RGS7: variants seen among roughly 807,000 people sequenced by gnomAD.
RGS7 encodes the protein regulator of G-protein signaling 7.
Under a neutral mutation model 81.1 loss-of-function variants are expected in RGS7, and 27 were observed. The ratio of observed to expected loss-of-function variants is 0.33; its 90% CI spans 0.25 to 0.46. RGS7 has a LOEUF of 0.46. Ranked by LOEUF, RGS7 falls within the 20% of genes least tolerant of loss-of-function variation. The probability of loss-of-function intolerance (pLI) is 1.00; values close to 1 mark genes in which losing one functional copy is unlikely to be tolerated. For missense variants in RGS7, 396 were observed against 607.4 expected (o/e 0.65, Z 3.66); for synonymous variants, 208 against 207.7 (o/e 1.00, Z -0.01).
chr1:241,182,102 A>T (rs942796434), intron 2 of RGS7, among the ~76,000 whole-genome samples: 5 of 152,132 alleles, frequency 3.3e-5, no homozygotes, highest in African/African-American at 9.7e-5. Flanking sequence ...CTGGGTTGGA[A>T]TTCTTGCTCT....
At chr1:241,089,633 A>T (rs1558701810) in intron 3 of RGS7, among the ~76,000 whole-genome samples, 1 of 152,038 alleles carries the variant, frequency 6.6e-6, no homozygotes. Flanking sequence ...TAATAACTAA[A>T]CTTCCACCCT....
chr1:240,898,528 AT>A, intron 6 of RGS7, among the ~76,000 whole-genome samples: 1 of 152,024 alleles, frequency 6.6e-6, no homozygotes, highest in African/African-American at 2.4e-5. Context: ...TTCTGCCTTC[AT>A]TTTGTTATGT....
chr1:240,999,987 C>T (rs2148624582), intron 3 of RGS7, among the ~76,000 whole-genome samples: 1 of 152,232 alleles, frequency 6.6e-6, no homozygotes, highest in Non-Finnish European at 1.5e-5. Context: ...TTGATGACAC[C>T]ACTCCTCCGG....
intron 2 of RGS7, among the ~76,000 whole-genome samples, chr1:241,161,863 G>A (rs563119760): frequency 6.1e-4 from 93 of 151,844 alleles, no homozygotes; most frequent in Non-Finnish European, 1.1e-3. Context: ...GATTACAGGC[G>A]CCTGCTACCA....
chr1:241,355,246 A>G (rs898304823), intron 2 of RGS7, among the ~76,000 whole-genome samples: 12 of 152,254 alleles, frequency 7.9e-5, no homozygotes, highest in African/African-American at 2.9e-4. Flanking sequence ...AGTAAACCAC[A>G]TACATTTACA....
At chr1:240,943,252 T>A (rs760662215) in intron 4 of RGS7, among the ~76,000 whole-genome samples, 11 of 152,200 alleles carry the variant, frequency 7.2e-5, no homozygotes, top group African/African-American at 1.7e-4. Flanking sequence ...GTCCCCTGCC[T>A]AGGTTCACAT....
Position 241,355,753 on chromosome 1 carries a change from C to G in RGS7, c.24G>C (p.Gly8=). Residue 8 remains glycine (G), a synonymous_variant, in exon 2 of 19, where the codon GGG becomes GGC. Transcript: ENST00000440928. MAQGNNY[G]QTSNGVADES... Reference sequence around the variant, plus strand: ...CATCGGCCACCCCGTTGCTGGTCTGCCCATAATTATTCCCCTGGGCCATGT... The same window carrying G: ...CATCGGCCACCCCGTTGCTGGTCTGGCCATAATTATTCCCCTGGGCCATGT... 1 of 1,614,122 alleles carries G rather than the reference C, an allele frequency of 6.2e-7. No homozygotes were observed. The highest frequency in any genetic ancestry group is 1.1e-5 in the South Asian group (1 of 91,084).
In RGS7 at chr1:241,292,487, A is replaced by T. The variant is rs370364442; in HGVS notation, c.78+63212T>A. Among the ~76,000 whole-genome samples, 8 of 152,328 alleles carry T rather than the reference A, an allele frequency of 5.3e-5. No individual in the cohort carries two copies. In the South Asian group the frequency reaches 8.3e-4, roughly 16 times the overall value. On this transcript the variant is annotated intron_variant, in intron 2 of 18. Transcript: ENST00000440928. ...TGTAGTGTAGTGGGCTTTGGAGAAG[A>T]TCCCTGGTAGCAGTGGAGATTGGGA...
Position 241,002,560 on chromosome 1 carries a change from G to A in RGS7, c.176-19431C>T, listed in dbSNP as rs138485557. Among the ~76,000 whole-genome samples the A allele has an allele frequency of 9.9e-5, 15 of 151,994 alleles. No homozygotes were observed. In the East Asian group the frequency reaches 2.9e-3, roughly 29 times the overall value. The stretch of plus-strand genomic sequence containing the variant: ...TCTCCCCAGCACTCATCATTTTGCT[G>A]TCACATTTTATATTTACTGATATTA... On this transcript the variant is annotated intron_variant, in intron 3 of 18. Coordinates refer to ENST00000440928, the MANE Select transcript of RGS7 (RefSeq NM_001364886.1).
At chr1:241,138,532 G>A (rs2103072799) in intron 2 of RGS7, among the ~76,000 whole-genome samples, 1 of 152,300 alleles carries the variant, frequency 6.6e-6, no homozygotes, top group East Asian at 1.9e-4. Flanking sequence ...GGCTTCTGTG[G>A]AACTTGGTTA....
intron 2 of RGS7, among the ~76,000 whole-genome samples, chr1:241,121,409 G>A (rs1391936816): frequency 6.6e-6 from 1 of 152,112 alleles, no homozygotes; most frequent in East Asian, 1.9e-4. Flanking sequence ...GCGATGAAAG[G>A]ACAACAAAAG....
Position 241,164,711 on chromosome 1 carries a change from C to T in RGS7, c.79-65949G>A, listed in dbSNP as rs4256800. ...AATTTTCCATGTTTAAAAAATACTG[C>T]GCAGGCCAACAAAACACATCCCCTA... On this transcript the variant is annotated intron_variant, in intron 2 of 18. Coordinates refer to ENST00000440928, the MANE Select transcript of RGS7 (RefSeq NM_001364886.1). The surrounding 1 kb of genome is among the most constrained non-coding windows in gnomAD (Gnocchi z 4.1). Among the ~76,000 whole-genome samples, 2,253 of 152,224 alleles carry T rather than the reference C, an allele frequency of 0.015. 51 individuals carry two copies. The highest frequency in any genetic ancestry group is 0.051 in the African/African-American group (2,135 of 41,540).
At chr1:241,142,183 T>G (rs1313406246) in intron 2 of RGS7, among the ~76,000 whole-genome samples, 1 of 152,210 alleles carries the variant, frequency 6.6e-6, no homozygotes, top group Non-Finnish European at 1.5e-5. Flanking sequence ...CTGGCTGCTT[T>G]CGTGGGCTGG....
intron 2 of RGS7, among the ~76,000 whole-genome samples, chr1:241,337,455 T>C (rs533026405): frequency 1.3e-5 from 2 of 152,210 alleles, no homozygotes; most frequent in East Asian, 3.9e-4. Flanking sequence ...CCCCACTGGT[T>C]CCTGCACAAT....
rs749400109 is a variant in RGS7 at position 241,038,220 on chromosome 1, G to T, written c.176-55091C>A. Among the ~76,000 whole-genome samples the T allele has an allele frequency of 4.4e-4, 67 of 152,180 alleles. 1 individual carries two copies. Among genetic ancestry groups the T allele is most frequent in the African/African-American group, 1.4e-3 (58 of 41,444 alleles). On this transcript the variant is annotated intron_variant, in intron 3 of 18. Coordinates refer to ENST00000440928, the MANE Select transcript of RGS7 (RefSeq NM_001364886.1). The stretch of plus-strand genomic sequence containing the variant: ...GAAAAATAAAGATGTTCTTAGGAAA[G>T]AATTGGCTACTTCTCTAGCTGAGTT...
intron 2 of RGS7, among the ~76,000 whole-genome samples, chr1:241,221,047 G>GGAAGGAAGGAAGGAAGGAAGGA (rs1418501510): frequency 1.0e-5 from 1 of 100,278 alleles, no homozygotes; most frequent in Non-Finnish European, 2.2e-5. Flanking sequence ...GGAAAAGAAA[G>GGAAGGAAGGAAGGAAGGAAGGA]AAAGAAAGAA....
intron 2 of RGS7, among the ~76,000 whole-genome samples, chr1:241,306,839 A>T (rs2080200272): frequency 6.6e-6 from 1 of 152,166 alleles, no homozygotes; most frequent in Non-Finnish European, 1.5e-5. Flanking sequence ...CTATCCACTC[A>T]CATACACACA....
chr1:240,990,718 G>A (rs1686332146), intron 3 of RGS7, among the ~76,000 whole-genome samples: 1 of 152,130 alleles, frequency 6.6e-6, no homozygotes. Flanking sequence ...ATGATATAAA[G>A]CCCTTCTTCC....
chr1:241,255,684 G>T (rs1202497512), intron 2 of RGS7, among the ~76,000 whole-genome samples: 3 of 152,144 alleles, frequency 2.0e-5, no homozygotes, highest in Non-Finnish European at 4.4e-5. Flanking sequence ...AATGTGGAGA[G>T]AATTCTGCAT....
Sources: allele counts gnomAD v4.1 joint callset (sites outside exome capture counted in the v4.1 genomes callset), GRCh38; gene constraint gnomAD v4.1.1; non-coding constraint Gnocchi (gnomAD v3.1); transcripts MANE v1.5; gene names NCBI Gene and HGNC (gene_info 2026-07-23, HGNC 2026-07-21).